Variants in UBAC2 observed in about 807,000 individuals in gnomAD.
UBAC2 encodes the protein UBA domain containing 2, also known as ubiquitin-associated domain-containing protein 2.
UBAC2 carries 26 observed loss-of-function variants against 44.0 expected under a neutral mutation model. That is an observed-to-expected ratio of 0.59 (90% CI 0.43 to 0.82). The LOEUF is 0.82. Among genes scored for constraint, UBAC2 ranks in the 40% least tolerant of loss-of-function variants. The pLI is 0.00. For synonymous variants in UBAC2, 155 were observed against 154.3 expected, an observed-to-expected ratio of 1.00 and a Z score of -0.04; for missense variants, 329 against 419.4, an observed-to-expected ratio of 0.78 and a Z score of 1.88.
intron 7 of UBAC2, among the ~76,000 whole-genome samples, chr13:99,348,138 T>C (rs963610899): frequency 6.6e-6 from 1 of 152,180 alleles, no homozygotes; most frequent in African/African-American, 2.4e-5. Context: ...GGTTTGTGTT[T>C]TGTTCATCCC....
chr13:99,294,807 A>G (rs2044143131), intron 4 of UBAC2: 1 of 322,098 alleles, frequency 3.1e-6, no homozygotes, highest in Non-Finnish European at 5.6e-6. Flanking sequence ...GGGAGTTATT[A>G]AGAGCGCCTC....
chr13:99,320,708 C>T (rs1566501377), intron 6 of UBAC2, among the ~76,000 whole-genome samples: 1 of 152,090 alleles, frequency 6.6e-6, no homozygotes, highest in Non-Finnish European at 1.5e-5. Flanking sequence ...AGAAAATTCT[C>T]ATTTTTATTA....
chr13:99,255,848 G>C, intron 4 of UBAC2: 1 of 1,592,114 alleles, frequency 6.3e-7, no homozygotes. Context: ...GGGACAGGTT[G>C]ATCTTGATTG....
intron 4 of UBAC2, among the ~76,000 whole-genome samples, chr13:99,252,113 A>T (rs1015544193): frequency 6.6e-6 from 1 of 152,134 alleles, no homozygotes; most frequent in African/African-American, 2.4e-5. Context: ...AGTCTCTCAA[A>T]CCACTTCCCA....
chr13:99,207,062 T>G (rs1195900432), intron 1 of UBAC2, among the ~76,000 whole-genome samples: 1 of 152,238 alleles, frequency 6.6e-6, no homozygotes, highest in Non-Finnish European at 1.5e-5. Context: ...TCATTCTCTC[T>G]CCTGCAGGAA....
intron 6 of UBAC2, among the ~76,000 whole-genome samples, chr13:99,318,844 C>T (rs965981694): frequency 2.8e-5 from 4 of 144,026 alleles, no homozygotes; most frequent in African/African-American, 7.8e-5. Context: ...AAAAAAAAGG[C>T]CAGTCACAGG....
rs545134022 is a variant in UBAC2 at position 99,361,403 on chromosome 13, T to G, written c.808-6384T>G. On this transcript the variant is annotated intron_variant, in intron 7 of 8. Coordinates refer to ENST00000403766, the MANE Select transcript of UBAC2 (RefSeq NM_001144072.2). ...CCTAGAGCCGTAACTTTCTGCTTTTTAAGCACTTTTCTACTATCACAGGAG... is the reference window on the plus strand; with the variant it reads ...CCTAGAGCCGTAACTTTCTGCTTTTGAAGCACTTTTCTACTATCACAGGAG... Among the ~76,000 whole-genome samples the G allele has an allele frequency of 8.3e-4, 126 of 152,344 alleles. No homozygotes were observed. In the South Asian group the frequency reaches 0.025, roughly 31 times the overall value.
intron 8 of UBAC2, among the ~76,000 whole-genome samples, chr13:99,381,309 G>C (rs1473515246): frequency 1.3e-5 from 2 of 152,220 alleles, no homozygotes; most frequent in Non-Finnish European, 2.9e-5. Context: ...TCAAGTGCCA[G>C]GTGGAGCTGT....
chr13:99,336,016 A>C (rs920687325), intron 6 of UBAC2, among the ~76,000 whole-genome samples: 2 of 151,792 alleles, frequency 1.3e-5, no homozygotes, highest in Non-Finnish European at 2.9e-5. Flanking sequence ...AAAAAAAGAG[A>C]TAAAACTGGA....
intron 6 of UBAC2, among the ~76,000 whole-genome samples, chr13:99,339,291 C>T (rs1566510196): frequency 6.6e-6 from 1 of 152,320 alleles, no homozygotes; most frequent in East Asian, 1.9e-4. Flanking sequence ...TCTCTGAGGG[C>T]TCTCCTGATG....
chr13:99,343,165 TCTGTCGG>T (rs1049126362), intron 7 of UBAC2, among the ~76,000 whole-genome samples: 3 of 152,232 alleles, frequency 2.0e-5, no homozygotes, highest in Non-Finnish European at 2.9e-5. Flanking sequence ...ATGATGGGTT[TCTGTCGG>T]CCCACCTGGC....
chr13:99,349,527 G>A (rs2045045484), intron 7 of UBAC2, among the ~76,000 whole-genome samples: 1 of 152,212 alleles, frequency 6.6e-6, no homozygotes, highest in Non-Finnish European at 1.5e-5. Context: ...TTGCATACAA[G>A]ACCGGGGGTC....
At chr13:99,377,096 A>G (rs2045490690) in intron 8 of UBAC2, 1 of 152,292 alleles carries the variant, frequency 6.6e-6, no homozygotes, top group Admixed American at 6.5e-5. Flanking sequence ...TGTCCTCCAC[A>G]TGTTTATTGG....
chr13:99,214,609 CT>C (rs1475162367), intron 1 of UBAC2, among the ~76,000 whole-genome samples: 2 of 152,068 alleles, frequency 1.3e-5, no homozygotes, highest in Non-Finnish European at 2.9e-5. Flanking sequence ...TCTTATTACC[CT>C]CCTTGTCCGT....
At chr13:99,269,933 T>C (rs2043795241) in intron 4 of UBAC2, among the ~76,000 whole-genome samples, 1 of 152,242 alleles carries the variant, frequency 6.6e-6, no homozygotes. Context: ...AATGGTATTA[T>C]ACTTTATACA....
intron 4 of UBAC2, among the ~76,000 whole-genome samples, chr13:99,303,583 T>C (rs1266612601): frequency 1.3e-5 from 2 of 152,174 alleles, no homozygotes; most frequent in Admixed American, 6.5e-5. Flanking sequence ...ATATTCTGTG[T>C]TTGTATCTGG....
chr13:99,305,423 A>G (rs1026764494), intron 4 of UBAC2, among the ~76,000 whole-genome samples: 19 of 152,236 alleles, frequency 1.2e-4, no homozygotes, highest in African/African-American at 4.3e-4. Flanking sequence ...GGTCTTAACC[A>G]TAGCAGAGAG....
intron 7 of UBAC2, among the ~76,000 whole-genome samples, chr13:99,341,501 G>A (rs898897998): frequency 6.6e-6 from 1 of 152,124 alleles, no homozygotes; most frequent in African/African-American, 2.4e-5. Flanking sequence ...TTAAAGATGT[G>A]CTTGAATTTG....
intron 8 of UBAC2, among the ~76,000 whole-genome samples, chr13:99,375,684 T>A (rs2045470219): frequency 6.6e-6 from 1 of 152,180 alleles, no homozygotes; most frequent in African/African-American, 2.4e-5. Flanking sequence ...TGAGGGGAGT[T>A]GCTAGAAATC....
Sources: gnomAD v4.1 joint callset for allele counts (sites outside exome capture counted in the v4.1 genomes callset) on GRCh38, gnomAD v4.1.1 for gene constraint, MANE v1.5 for transcripts, NCBI Gene and HGNC (gene_info 2026-07-23, HGNC 2026-07-21) for gene names.